The following PKD1L1 variants were observed in gnomAD, a reference collection of about 807,000 sequenced individuals.
The protein encoded by PKD1L1 is polycystin-1-like protein 1.
In PKD1L1, 236 loss-of-function variants were observed where a neutral mutation model predicts 323.4. That is an observed-to-expected ratio of 0.73 (90% CI 0.66 to 0.81). PKD1L1 has a LOEUF of 0.81. Ranked by LOEUF, PKD1L1 falls within the 40% of genes least tolerant of loss-of-function variation. The pLI is 0.00. For missense variants in PKD1L1, 3,320 were observed against 3,508.0 expected (o/e 0.95, Z 1.35); for synonymous variants, 1,344 against 1,335.0 (o/e 1.01, Z -0.15).
At chr7:47,950,163 C>T (rs902696721), upstream of PKD1L1, among the ~76,000 whole-genome samples, 1 of 152,198 alleles carries the variant, frequency 6.6e-6, no homozygotes, top group Non-Finnish European at 1.5e-5. Context: ...TGCTCTGACA[C>T]CTTCCTGTCA....
chr7:47,859,626 C>CT (rs1480527923), intron 26 of PKD1L1, among the ~76,000 whole-genome samples: 39 of 101,142 alleles, frequency 3.9e-4, no homozygotes, highest in Non-Finnish European at 4.0e-4. Context: ...TAAAGACATA[C>CT]ATTTTTTTTT....
Position 47,803,312 on chromosome 7 carries a change from G to A in PKD1L1, c.7860C>T (p.Phe2620=), listed in dbSNP as rs759314352. ...GATAGACGCATTTTAATGTGAAGAGGAATAAGAGGATTCCCCGGAGCCATC... is the reference window on the plus strand; with the variant it reads ...GATAGACGCATTTTAATGTGAAGAGAAATAAGAGGATTCCCCGGAGCCATC... The part of the protein sequence containing the change: ...RARWLRGILL[F]LFTLKCVYLP... Residue 2620 remains phenylalanine, a synonymous_variant, in exon 53 of 57, where the codon TTC becomes TTT. Transcript: ENST00000289672. 1.2e-6 allele frequency: 2 copies of A among 1,614,106 alleles called. No individual in the cohort carries two copies. Among genetic ancestry groups the A allele is most frequent in the South Asian group, 2.2e-5 (2 of 91,072 alleles).
At chr7:47,779,933 C>A (rs115065585) in intron 56 of PKD1L1, among the ~76,000 whole-genome samples, 1,854 of 152,192 alleles carry the variant, frequency 0.012, 39 homozygotes, top group African/African-American at 0.042. Context: ...CTCTTGTTTG[C>A]TAGGAAAAAT....
chr7:47,840,381 G>A lies in PKD1L1; in HGVS notation c.5552+80C>T, dbSNP rs1178607818. On this transcript the variant is annotated intron_variant, in intron 35 of 56. Transcript: ENST00000289672. This position sits in a 1 kb window ranked among gnomAD's most constrained non-coding sequence, Gnocchi z 4.1. The stretch of plus-strand genomic sequence containing the variant: ...AGAGACCAATGTTATGTATTCTACT[G>A]TTTTGTATTTGTGATAAGGTTACAC... 3.0e-6 allele frequency: 3 copies of A among 989,706 alleles called. No individual in the cohort carries two copies. The East Asian group carries it at 7.4e-5, about 24-fold the overall frequency. The allele number at this position is 989,706 out of a possible 1,614,324, so 61.3% of individuals were successfully genotyped here.
At chr7:47,846,500 C>A (rs1011663301) in intron 32 of PKD1L1, among the ~76,000 whole-genome samples, 3 of 152,226 alleles carry the variant, frequency 2.0e-5, no homozygotes, top group African/African-American at 7.2e-5. Flanking sequence ...TGCCTGACTA[C>A]AAACTGCGTA....
At chr7:47,935,809 C>G (rs1438828678) in intron 4 of PKD1L1, among the ~76,000 whole-genome samples, 1 of 152,278 alleles carries the variant, frequency 6.6e-6, no homozygotes, top group African/African-American at 2.4e-5. Context: ...GAGTAAAGAT[C>G]AGGTGGATTG....
At chr7:47,880,280 A>ATTTTTTTTT (rs1380647150) in intron 21 of PKD1L1, among the ~76,000 whole-genome samples, 7 of 71,550 alleles carry the variant, frequency 9.8e-5, no homozygotes, top group African/African-American at 3.0e-4. Flanking sequence ...ATATATATAT[A>ATTTTTTTTT]TATATTTTTT....
chr7:47,908,304 C>G (rs1336486620), intron 8 of PKD1L1, 54 bp from the exon 9 acceptor site: 2 of 1,519,986 alleles, frequency 1.3e-6, no homozygotes, highest in Non-Finnish European at 1.8e-6. Context: ...ACAAGCATAA[C>G]AGTTAACATT....
intron 52 of PKD1L1, among the ~76,000 whole-genome samples, chr7:47,805,340 T>A (rs1330019203): frequency 6.6e-6 from 1 of 152,268 alleles, no homozygotes; most frequent in Non-Finnish European, 1.5e-5. Context: ...AAGTCATTTG[T>A]GTTTATCTTG....
At chr7:47,889,952 C>G (rs575107038) in intron 16 of PKD1L1, among the ~76,000 whole-genome samples, 1 of 152,234 alleles carries the variant, frequency 6.6e-6, no homozygotes, top group Non-Finnish European at 1.5e-5. Flanking sequence ...GCAACTCACA[C>G]CCTTCCTGCA....
In PKD1L1 at chr7:47,898,025, T is replaced by C; in HGVS notation, c.2234A>G (p.His745Arg). Reference sequence around the variant, plus strand: ...AGTGTAGTTCCCATACTCCAAGGTGTGGCTCGGGAGGATGAGGGTCTGTCT... The same window carrying C: ...AGTGTAGTTCCCATACTCCAAGGTGCGGCTCGGGAGGATGAGGGTCTGTCT... ...THRQTLILPS[H>R]TLEYGNYTAL... Residue 745 changes from histidine (H) to arginine (R), a missense_variant, in exon 14 of 57, where the codon CAC (histidine) becomes CGC (arginine). By Grantham distance (29) the His-to-Arg change is conservative (BLOSUM62 0). Transcript: ENST00000289672. The C allele has an allele frequency of 6.2e-7, 1 of 1,612,964 alleles. No individual in the cohort carries two copies. The highest frequency in any genetic ancestry group is 8.5e-7 in the Non-Finnish European group (1 of 1,179,940).
In PKD1L1 at chr7:47,943,401, C is replaced by T; in HGVS notation, c.155G>A (p.Trp52Ter). ...CTCCTTCCCCAAGGCCTTACCGACC[C>T]ACAATCCACCTCCAGGAGGGCTACA... ...CSCSPPGGGL[W>*]VEVYANHVLL... The change falls in exon 2 of 57, where the codon TGG becomes TAG. Residue 52 changes from tryptophan to a stop codon, truncating the protein, a stop_gained. Coordinates refer to ENST00000289672, the MANE Select transcript of PKD1L1 (RefSeq NM_138295.5). LOFTEE classifies it high-confidence loss of function. 3 of 1,612,666 alleles carry T rather than the reference C, an allele frequency of 1.9e-6. No homozygotes were observed. The highest frequency in any genetic ancestry group is 2.5e-6 in the Non-Finnish European group (3 of 1,179,170).
intron 40 of PKD1L1, 45 bp from the exon 41 acceptor site, chr7:47,833,297 G>A (rs748389080): frequency 1.3e-6 from 2 of 1,586,034 alleles, no homozygotes; most frequent in South Asian, 2.3e-5. Flanking sequence ...CCACAGACAG[G>A]GCTTCACACG....
intron 54 of PKD1L1, among the ~76,000 whole-genome samples, chr7:47,799,555 C>T (rs1784615983): frequency 6.6e-6 from 1 of 152,168 alleles, no homozygotes; most frequent in African/African-American, 2.4e-5. Flanking sequence ...AGTTCAAAAG[C>T]AGACAAAAAC....
chr7:47,902,416 G>A lies in PKD1L1; in HGVS notation c.2027C>T (p.Pro676Leu), dbSNP rs149987801. 59 of 1,614,072 alleles carry A rather than the reference G, an allele frequency of 3.7e-5. No homozygotes were observed. The highest frequency in any genetic ancestry group is 4.9e-5 in the Non-Finnish European group (58 of 1,180,028). The change falls in exon 13 of 57, where the codon CCA becomes CTA. Residue 676 changes from proline (P) to leucine (L), a missense_variant. Physicochemically the swap from Pro to Leu is moderately conservative, Grantham distance 98. Transcript: ENST00000289672. ...QLFIVCEPCQ[P>L]PLVKNMGPGK... is the part of the protein sequence containing the mutation. The stretch of plus-strand genomic sequence containing the variant: ...AGGCCCCATGTTCTTCACCAGGGGT[G>A]GCTGGCAGGGCTCGCACACGATGAA...
chr7:47,885,617 T>A, intron 18 of PKD1L1, 69 bp downstream of exon 18: 1 of 1,538,616 alleles, frequency 6.5e-7, no homozygotes, highest in East Asian at 2.3e-5. Context: ...ACCCACCAGA[T>A]TCACTGCTTC....
At chr7:47,938,804 T>C (rs562432724) in intron 3 of PKD1L1, among the ~76,000 whole-genome samples, 2 of 152,278 alleles carry the variant, frequency 1.3e-5, no homozygotes, top group East Asian at 1.9e-4. Flanking sequence ...GTCACCTGGG[T>C]GGGGTGGGGT....
At chr7:47,944,002 C>A (rs564039461) in intron 1 of PKD1L1, among the ~76,000 whole-genome samples, 1 of 152,226 alleles carries the variant, frequency 6.6e-6, no homozygotes, top group African/African-American at 2.4e-5. Context: ...GAGATGCCAG[C>A]GCAGACACAG....
intron 15 of PKD1L1, among the ~76,000 whole-genome samples, chr7:47,892,419 T>C (rs904799888): frequency 6.6e-6 from 1 of 151,828 alleles, no homozygotes; most frequent in South Asian, 2.1e-4. Context: ...CTGCAATGGG[T>C]TGGGAGAGGT....
Sources: gnomAD v4.1 joint callset for allele counts (sites outside exome capture counted in the v4.1 genomes callset) on GRCh38, gnomAD v4.1.1 for gene constraint, Gnocchi (gnomAD v3.1) non-coding constraint, MANE v1.5 for transcripts, NCBI Gene and HGNC (gene_info 2026-07-23, HGNC 2026-07-21) for gene names.